The following CEP85L variants were observed in gnomAD, a reference collection of about 807,000 sequenced individuals.
CEP85L encodes centrosomal protein of 85 kDa-like.
A neutral mutation model predicts 100.3 loss-of-function variants in CEP85L; 60 were observed. That is an observed-to-expected ratio of 0.60 (90% CI 0.49 to 0.74). CEP85L has a LOEUF of 0.74. Ranked by LOEUF, CEP85L falls within the 30% of genes least tolerant of loss-of-function variation. The probability of loss-of-function intolerance (pLI) is 0.00; values close to 1 mark genes in which losing one functional copy is unlikely to be tolerated. For missense variants in CEP85L, 973 were observed against 936.2 expected (o/e 1.04, Z -0.51); for synonymous variants, 319 against 322.7 (o/e 0.99, Z 0.12).
intron 2 of CEP85L, among the ~76,000 whole-genome samples, chr6:118,576,151 C>T (rs996309468): frequency 2.0e-5 from 3 of 152,166 alleles, no homozygotes; most frequent in African/African-American, 7.2e-5. Context: ...ATTCTGGAAA[C>T]CTGGTTACCA....
At chr6:118,470,776 G>T in intron 10 of CEP85L, 132 bp from the exon 11 acceptor site, 1 of 471,448 alleles carries the variant, frequency 2.1e-6, no homozygotes, top group South Asian at 4.4e-5. Flanking sequence ...GGAAGATGAA[G>T]CCTTCACTTT....
chr6:118,605,339 G>T (rs1399005348), intron 2 of CEP85L, among the ~76,000 whole-genome samples: 1 of 152,172 alleles, frequency 6.6e-6, no homozygotes, highest in African/African-American at 2.4e-5. Flanking sequence ...CTCCCAGTGG[G>T]GGGTGGGGAT....
At chr6:118,657,946 A>C (rs1562344918) in intron 1 of CEP85L, among the ~76,000 whole-genome samples, 1 of 152,246 alleles carries the variant, frequency 6.6e-6, no homozygotes, top group Non-Finnish European at 1.5e-5. Context: ...AATTCAATTC[A>C]ATATACTCTG....
Position 118,565,838 on chromosome 6 carries a change from C to A in CEP85L, c.711G>T (p.Lys237Asn). The A allele has an allele frequency of 6.2e-7, 1 of 1,614,066 alleles. No homozygotes were observed. Among genetic ancestry groups the A allele is most frequent in the Non-Finnish European group, 8.5e-7 (1 of 1,180,004 alleles). Residue 237 changes from lysine (K) to asparagine (N), a missense_variant, in exon 3 of 13, where the codon AAG becomes AAT. Lys to Asn is a moderately conservative substitution (Grantham distance 94, BLOSUM62 0). Coordinates refer to ENST00000368491, the MANE Select transcript of CEP85L (RefSeq NM_001042475.3). ...TAGAGGAAGAGGCTCTAAAGTCCTC[C>A]TTGCTACAGCTCTCAAATTTATACT... is the stretch of plus-strand genomic sequence containing the variant. Reference protein sequence around the residue: ...DCKYKFESCSKEDFRASSSTL... With the variant: ...DCKYKFESCSNEDFRASSSTL...
upstream of CEP85L, among the ~76,000 whole-genome samples, chr6:118,655,044 G>A (rs1775741043): frequency 6.6e-6 from 1 of 152,154 alleles, no homozygotes; most frequent in Non-Finnish European, 1.5e-5. Flanking sequence ...TGGTGAAATA[G>A]TACACTCTTA....
Position 118,465,531 on chromosome 6 carries a change from G to C in CEP85L, c.2292C>G (p.His764Gln). 3 of 1,613,474 alleles carry C rather than the reference G, an allele frequency of 1.9e-6. No individual in the cohort carries two copies. The highest frequency in any genetic ancestry group is 2.5e-6 in the Non-Finnish European group (3 of 1,179,588). Residue 764 changes from histidine (H) to glutamine (Q), a missense_variant, in exon 13 of 13, where the codon CAC (histidine) becomes CAG (glutamine). This residue lies in a region of CEP85L where 890 missense variants were observed against 844.5 expected (regional missense o/e 1.05). Transcript: ENST00000368491. ...NCSAEETENDHSTETLTKKLS... is the reference protein window; with the variant it reads ...NCSAEETENDQSTETLTKKLS... The stretch of plus-strand genomic sequence containing the variant: ...GCTTTTTAGTGAGTGTTTCTGTGCT[G>C]TGGTCATTCTCAGTCTCTTCAGCTG...
At chr6:118,592,078 T>C (rs1364354028) in intron 2 of CEP85L, among the ~76,000 whole-genome samples, 2 of 152,112 alleles carry the variant, frequency 1.3e-5, no homozygotes, top group African/African-American at 4.8e-5. Flanking sequence ...TACAAAGAGG[T>C]TAAATTACTT....
intron 3 of CEP85L, among the ~76,000 whole-genome samples, chr6:118,550,162 A>G (rs1306564776): frequency 6.6e-6 from 1 of 151,990 alleles, no homozygotes; most frequent in East Asian, 1.9e-4. Flanking sequence ...AAGGCGTGAC[A>G]GCACTATCAT....
chr6:118,542,335 T>C (rs1184909728), intron 3 of CEP85L, among the ~76,000 whole-genome samples: 1 of 152,188 alleles, frequency 6.6e-6, no homozygotes, highest in East Asian at 1.9e-4. Context: ...AAGGACTTTT[T>C]TTTTAAGTGC....
intron 2 of CEP85L, among the ~76,000 whole-genome samples, chr6:118,627,898 TC>T (rs1442627058): frequency 1.3e-5 from 2 of 152,110 alleles, no homozygotes; most frequent in African/African-American, 4.8e-5. Context: ...ATTCTAGTCT[TC>T]CGGGTGGTTA....
At chr6:118,673,250 C>G (rs548329014) in intron 1 of CEP85L, among the ~76,000 whole-genome samples, 1 of 152,242 alleles carries the variant, frequency 6.6e-6, no homozygotes, top group Admixed American at 6.5e-5. Flanking sequence ...AAATCAGAAG[C>G]TGAAAGAATG....
At chr6:118,502,096 T>C in intron 5 of CEP85L, 1 of 967,286 alleles carries the variant, frequency 1.0e-6, no homozygotes, top group Non-Finnish European at 1.6e-6. Flanking sequence ...GCCAGAATAC[T>C]GCCCTATGAG....
Position 118,651,591 on chromosome 6 carries a change from T to C in CEP85L, c.-322A>G. Reference sequence around the variant, plus strand: ...GGCGAAGTTGCAGCTGCGGGTTCTCTCCGCCCCCTCCGCCGGCAGAGCCAG... The same window carrying C: ...GGCGAAGTTGCAGCTGCGGGTTCTCCCCGCCCCCTCCGCCGGCAGAGCCAG... On this transcript the variant is annotated 5_prime_UTR_variant, in exon 1 of 13. Coordinates refer to ENST00000368491, the MANE Select transcript of CEP85L (RefSeq NM_001042475.3). 1 of 1,051,942 alleles carries C rather than the reference T, an allele frequency of 9.5e-7. No individual in the cohort carries two copies. Among genetic ancestry groups the C allele is most frequent in the Non-Finnish European group, 1.1e-6 (1 of 873,470 alleles). The allele number at this position is 1,051,942 out of a possible 1,614,324, so 65.2% of individuals were successfully genotyped here.
At chr6:118,624,631 A>C (rs552533625) in intron 2 of CEP85L, among the ~76,000 whole-genome samples, 1 of 152,298 alleles carries the variant, frequency 6.6e-6, no homozygotes, top group South Asian at 2.1e-4. Flanking sequence ...ACCCACACCT[A>C]TATGAGAAAG....
intron 3 of CEP85L, chr6:118,537,977 T>A: frequency 1.2e-6 from 1 of 824,508 alleles, no homozygotes; most frequent in Non-Finnish European, 1.5e-6. Flanking sequence ...CAAAGCTCAG[T>A]AATGAAGATG....
intron 1 of CEP85L, among the ~76,000 whole-genome samples, chr6:118,637,737 T>C (rs1189536102): frequency 7.0e-6 from 1 of 142,468 alleles, no homozygotes; most frequent in African/African-American, 2.6e-5. Context: ...GTTGTCTATA[T>C]ATTTAAGAAG....
At chr6:118,600,337 GT>G in intron 2 of CEP85L, among the ~76,000 whole-genome samples, 1 of 131,452 alleles carries the variant, frequency 7.6e-6, no homozygotes, top group African/African-American at 2.8e-5. Flanking sequence ...GTGTGTGTGT[GT>G]GTGTGTGTGT....
chr6:118,560,887 A>G (rs2114978042), intron 3 of CEP85L, among the ~76,000 whole-genome samples: 1 of 152,322 alleles, frequency 6.6e-6, no homozygotes. Context: ...TATACTGCAT[A>G]ATCCAACAAT....
chr6:118,515,921 C>G (rs904247715), intron 4 of CEP85L, among the ~76,000 whole-genome samples: 1 of 152,044 alleles, frequency 6.6e-6, no homozygotes, highest in Non-Finnish European at 1.5e-5. Context: ...CCAGATAGGC[C>G]CTGGTGTGTG....
Sources: gnomAD v4.1 joint callset for allele counts (sites outside exome capture counted in the v4.1 genomes callset) on GRCh38, gnomAD v4.1.1 for gene constraint, gnomAD v4.1.1 regional missense constraint, MANE v1.5 for transcripts, NCBI Gene and HGNC (gene_info 2026-07-23, HGNC 2026-07-21) for gene names.